ANKRD10: variants seen among roughly 807,000 people sequenced by gnomAD.
ANKRD10 encodes ankyrin repeat domain-containing protein 10.
ANKRD10 carries 14 observed loss-of-function variants against 27.0 expected under a neutral mutation model. The ratio of observed to expected loss-of-function variants is 0.52; its 90% confidence interval spans 0.34 to 0.81. ANKRD10 has a LOEUF of 0.81. ANKRD10 is among the 40% of genes least tolerant of loss of function. The pLI, the probability that ANKRD10 is intolerant of heterozygous loss-of-function variation, is 0.01. For synonymous variants in ANKRD10, 250 were observed against 224.5 expected, an observed-to-expected ratio of 1.11 and a Z score of -1.01; for missense variants, 493 against 544.0, an observed-to-expected ratio of 0.91 and a Z score of 0.93.
intron 4 of ANKRD10, among the ~76,000 whole-genome samples, chr13:110,890,185 A>T (rs538874599): frequency 7.5e-4 from 115 of 152,364 alleles, no homozygotes; most frequent in Non-Finnish European, 1.5e-3. Flanking sequence ...ACATATCTTT[A>T]ATTCAAAACT....
intron 3 of ANKRD10, among the ~76,000 whole-genome samples, chr13:110,902,724 G>C (rs547190165): frequency 1.3e-5 from 2 of 152,326 alleles, no homozygotes; most frequent in African/African-American, 2.4e-5. Flanking sequence ...GAAAAGTTCT[G>C]AGACTCTGCC....
intron 4 of ANKRD10, among the ~76,000 whole-genome samples, chr13:110,891,001 A>G (rs1439959741): frequency 2.0e-5 from 3 of 149,976 alleles, no homozygotes; most frequent in Non-Finnish European, 3.0e-5. Context: ...TGGCCAATTC[A>G]ACTGACCTTA....
chr13:110,905,342 G>C (rs1448967020), intron 3 of ANKRD10: 1 of 152,072 alleles, frequency 6.6e-6, no homozygotes, highest in Non-Finnish European at 1.5e-5. Context: ...TTGCATATAA[G>C]ATCTCATTTC....
In ANKRD10 at chr13:110,914,636, C is replaced by A. The variant is rs1229405828; in HGVS notation, c.210+89G>T. ...CCGCTTCCGCCCCGCGATCCCGGCA[C>A]GCCCCACGTCCCCCGCACCTCAGAC... On this transcript the variant is annotated intron_variant, in intron 1 of 5. Coordinates refer to ENST00000267339, the MANE Select transcript of ANKRD10 (RefSeq NM_017664.4). 10 of 1,448,024 alleles carry A rather than the reference C, an allele frequency of 6.9e-6. No individual in the cohort carries two copies. In the Admixed American group the frequency reaches 9.7e-5, roughly 14 times the overall value. The allele number at this position is 1,448,024 out of a possible 1,614,324, so 89.7% of individuals were successfully genotyped here.
At position 110,902,049 on chromosome 13, in the gene ANKRD10, GAAAA is replaced by G. The variant is rs10656736; in HGVS notation, c.455+3980_455+3983del. ...CAAAGGGAGACTCTGTCTCTTTTTA[GAAAA>G]AAAAAAAAAAAAAAAAAAGAGGAGG... is the stretch of plus-strand genomic sequence containing the variant. On this transcript the variant is annotated intron_variant, in intron 3 of 5. Coordinates refer to ENST00000267339, the MANE Select transcript of ANKRD10 (RefSeq NM_017664.4). Among the ~76,000 whole-genome samples the G allele has an allele frequency of 1.1e-3, 125 of 115,392 alleles. 1 individual carries two copies. The highest frequency in any genetic ancestry group is 5.1e-3 in the Middle Eastern group (1 of 198). 75.7% of individuals were successfully genotyped at this position (115,392 alleles called of 152,430 possible). A position where few individuals can be genotyped will look rare whatever the true frequency, so the allele number is the denominator to read the frequency against.
chr13:110,891,358 GAATAC>G (rs1312663209), intron 4 of ANKRD10, among the ~76,000 whole-genome samples: 1 of 152,172 alleles, frequency 6.6e-6, no homozygotes, highest in Non-Finnish European at 1.5e-5. Context: ...TGACAATGCT[GAATAC>G]ATCACCATTA....
chr13:110,906,512 T>C (rs989127487), intron 2 of ANKRD10, among the ~76,000 whole-genome samples: 8 of 152,094 alleles, frequency 5.3e-5, no homozygotes, highest in African/African-American at 1.4e-4. Context: ...GGCCAAGAAA[T>C]AGCACATAAT....
intron 2 of ANKRD10, among the ~76,000 whole-genome samples, chr13:110,907,614 TAA>T (rs2065573782): frequency 6.6e-6 from 1 of 152,144 alleles, no homozygotes; most frequent in South Asian, 2.1e-4. Context: ...AACAAAGGTC[TAA>T]AGAGACTATA....
At chr13:110,897,296 T>C (rs1362575876) in intron 3 of ANKRD10, among the ~76,000 whole-genome samples, 64 of 64,428 alleles carry the variant, frequency 9.9e-4, no homozygotes, top group Non-Finnish European at 1.9e-3. Context: ...CCTGGCTACT[T>C]TTTTTTTTTT....
At chr13:110,888,883 G>A (rs375147854) in intron 4 of ANKRD10, among the ~76,000 whole-genome samples, 6 of 152,326 alleles carry the variant, frequency 3.9e-5, no homozygotes, top group African/African-American at 1.4e-4. Flanking sequence ...ACCGAGCTGT[G>A]AAGTCAGTTT....
intron 3 of ANKRD10, 113 bp downstream of exon 3, chr13:110,905,920 A>G (rs2065518457): frequency 8.2e-6 from 8 of 978,290 alleles, no homozygotes; most frequent in Non-Finnish European, 1.2e-5. Context: ...GCAAAATTAC[A>G]TTACTAATTT....
chr13:110,907,954 A>C (rs2065584270), intron 2 of ANKRD10, among the ~76,000 whole-genome samples: 1 of 152,228 alleles, frequency 6.6e-6, no homozygotes, highest in South Asian at 2.1e-4. Context: ...GGATATTAAC[A>C]GATGACAATG....
At chr13:110,885,348 C>T (rs887964906) in intron 4 of ANKRD10, among the ~76,000 whole-genome samples, 7 of 151,894 alleles carry the variant, frequency 4.6e-5, no homozygotes, top group Non-Finnish European at 8.8e-5. Flanking sequence ...GTCAAGAGAT[C>T]GAGACCGTCC....
intron 3 of ANKRD10, among the ~76,000 whole-genome samples, chr13:110,901,771 T>C (rs2065387332): frequency 6.6e-6 from 1 of 152,196 alleles, no homozygotes; most frequent in African/African-American, 2.4e-5. Context: ...GGCTGCACAG[T>C]GGCTCACACC....
intron 3 of ANKRD10, among the ~76,000 whole-genome samples, chr13:110,899,783 C>A (rs2065333314): frequency 2.0e-5 from 3 of 151,424 alleles, no homozygotes; most frequent in Admixed American, 1.3e-4. Context: ...TGGTACAACA[C>A]AGAATCATCT....
intron 3 of ANKRD10, chr13:110,904,214 A>C (rs2065464485): frequency 6.6e-6 from 1 of 152,216 alleles, no homozygotes; most frequent in African/African-American, 2.4e-5. Context: ...AAAAAATATG[A>C]AAGCTCAGTC....
intron 4 of ANKRD10, among the ~76,000 whole-genome samples, chr13:110,891,203 G>A (rs75905415): frequency 0.02 from 3,022 of 152,204 alleles, 103 homozygotes; most frequent in African/African-American, 0.069. Flanking sequence ...TGTACAATTC[G>A]TGCATGAGGG....
chr13:110,879,871 C>A lies in ANKRD10; in HGVS notation c.1029G>T (p.Glu343Asp). Residue 343 changes from glutamate to aspartate, a missense_variant, in exon 6 of 6, where the codon GAG becomes GAT. Transcript: ENST00000267339. ...CGTTCAGGTGCAGAGAACCGCACAACTCAGGGTTAGCTCTCAGGGTCTTCT... is the reference window on the plus strand; with the variant it reads ...CGTTCAGGTGCAGAGAACCGCACAAATCAGGGTTAGCTCTCAGGGTCTTCT... The part of the protein sequence containing the change: ...EPEKTLRANP[E>D]LCGSLHLNGS... The A allele has an allele frequency of 6.2e-7, 1 of 1,614,238 alleles. No individual in the cohort carries two copies. Among genetic ancestry groups the A allele is most frequent in the Non-Finnish European group, 8.5e-7 (1 of 1,180,048 alleles).
intron 3 of ANKRD10, chr13:110,895,123 G>A (rs1041189026): frequency 1.3e-5 from 2 of 152,156 alleles, no homozygotes; most frequent in African/African-American, 2.4e-5. Context: ...TATTTCTATA[G>A]ATAAGCATAG....
Sources: gnomAD v4.1 joint callset for allele counts (sites outside exome capture counted in the v4.1 genomes callset) on GRCh38, gnomAD v4.1.1 for gene constraint, MANE v1.5 for transcripts, NCBI Gene and HGNC (gene_info 2026-07-23, HGNC 2026-07-21) for gene names.